Variants in HDAC9 observed in about 807,000 individuals in gnomAD.
HDAC9 encodes MEF-2 interacting transcription repressor (MITR) protein.
Under a neutral mutation model 139.4 loss-of-function variants are expected in HDAC9, and 41 were observed. The observed-to-expected ratio is 0.29, with a 90% CI of 0.23 to 0.38. HDAC9 has a LOEUF of 0.38. Ranked by LOEUF, HDAC9 falls within the 10% of genes least tolerant of loss-of-function variation. The pLI is 1.00. For synonymous variants in HDAC9, 517 were observed against 476.2 expected, an observed-to-expected ratio of 1.09 and a Z score of -1.12; for missense variants, 1,147 against 1,297.0, an observed-to-expected ratio of 0.88 and a Z score of 1.78.
chr7:18,872,816 G>A (rs964359343), intron 21 of HDAC9, among the ~76,000 whole-genome samples: 7 of 152,036 alleles, frequency 4.6e-5, no homozygotes, highest in African/African-American at 1.7e-4. Context: ...GAAATACTGG[G>A]GGGAAAATGA....
chr7:18,793,106 G>A (rs1355655165), intron 16 of HDAC9: 7 of 483,906 alleles, frequency 1.4e-5, no homozygotes, highest in Admixed American at 9.9e-5. Flanking sequence ...TTCCATTGGA[G>A]AAGTCAGTGT....
chr7:18,096,850 G>T (rs1490938331), intron 1 of HDAC9, among the ~76,000 whole-genome samples: 1 of 151,376 alleles, frequency 6.6e-6, no homozygotes, highest in African/African-American at 2.4e-5. Flanking sequence ...CCTAATAAAT[G>T]TTCTGAATGA....
At chr7:18,269,743 T>C (rs923476574) in intron 2 of HDAC9, among the ~76,000 whole-genome samples, 4 of 152,014 alleles carry the variant, frequency 2.6e-5, no homozygotes, top group African/African-American at 7.2e-5. Context: ...TATACGTATA[T>C]ATACATATAT....
At chr7:18,980,407 T>G (rs1784827948) in intron 25 of HDAC9, among the ~76,000 whole-genome samples, 1 of 152,198 alleles carries the variant, frequency 6.6e-6, no homozygotes, top group African/African-American at 2.4e-5. Context: ...AGAGTAGAGC[T>G]TGCCTCTAGA....
intron 12 of HDAC9, among the ~76,000 whole-genome samples, chr7:18,705,207 C>G (rs953071040): frequency 1.3e-5 from 2 of 152,154 alleles, no homozygotes; most frequent in Admixed American, 6.5e-5. Flanking sequence ...GCACTAATGA[C>G]ACTACTGACT....
intron 1 of HDAC9, among the ~76,000 whole-genome samples, chr7:18,314,995 G>T (rs1799544605): frequency 6.6e-6 from 1 of 152,076 alleles, no homozygotes; most frequent in South Asian, 2.1e-4. Context: ...GCAGCAACGT[G>T]GTTGAAAAAC....
chr7:18,341,748 G>A (rs1384193304), intron 1 of HDAC9, among the ~76,000 whole-genome samples: 1 of 151,158 alleles, frequency 6.6e-6, no homozygotes, highest in Non-Finnish European at 1.5e-5. Context: ...TTCCTTATTT[G>A]GGGTTATATT....
At chr7:18,826,884 C>T (rs1795485897) in intron 17 of HDAC9, among the ~76,000 whole-genome samples, 1 of 151,480 alleles carries the variant, frequency 6.6e-6, no homozygotes, top group African/African-American at 2.4e-5. Context: ...TTAACATCTA[C>T]CTCTCAATAT....
At chr7:18,836,082 A>G (rs567861424) in intron 21 of HDAC9, 85 bp downstream of exon 21, 41 of 709,484 alleles carry the variant, frequency 5.8e-5, no homozygotes, top group South Asian at 3.9e-4. Flanking sequence ...AGAAATGTAA[A>G]TGTCTAATTA....
intron 1 of HDAC9, among the ~76,000 whole-genome samples, chr7:18,378,301 T>G (rs1383214564): frequency 6.6e-6 from 1 of 152,160 alleles, no homozygotes; most frequent in Non-Finnish European, 1.5e-5. Flanking sequence ...GTTAAATTTC[T>G]GAGAGAGTAA....
At chr7:18,988,051 T>A (rs1785523311) in intron 25 of HDAC9, among the ~76,000 whole-genome samples, 1 of 152,230 alleles carries the variant, frequency 6.6e-6, no homozygotes, top group African/African-American at 2.4e-5. Flanking sequence ...GAAGGGTTTT[T>A]TGTGTCTCTA....
chr7:18,986,830 G>T lies in HDAC9; in HGVS notation c.3171-9193G>T, dbSNP rs565286311. 3.5e-4 allele frequency among the ~76,000 whole-genome samples: 54 copies of T among 152,232 alleles called. No homozygotes were observed. The East Asian group carries it at 4.2e-3, about 12-fold the overall frequency. On this transcript the variant is annotated intron_variant, in intron 25 of 25. Coordinates refer to ENST00000686413, the MANE Select transcript of HDAC9 (RefSeq NM_178425.4). ...TCCTAGGTATTTTATTCTCTTTGAA[G>T]CAACTGTGAATGGGAGTTCACTCAT...
intron 13 of HDAC9, among the ~76,000 whole-genome samples, chr7:18,740,064 G>C (rs1188645422): frequency 6.6e-6 from 1 of 152,206 alleles, no homozygotes; most frequent in Non-Finnish European, 1.5e-5. Flanking sequence ...ATGAGCGTGG[G>C]ACCTGCCAAG....
chr7:18,529,118 A>T (rs1362525842), intron 2 of HDAC9, among the ~76,000 whole-genome samples: 1 of 152,174 alleles, frequency 6.6e-6, no homozygotes, highest in African/African-American at 2.4e-5. Context: ...ACAAAATAAC[A>T]ATGAGTGGAA....
At chr7:18,488,724 A>G (rs1446338681) in intron 1 of HDAC9, among the ~76,000 whole-genome samples, 1 of 152,006 alleles carries the variant, frequency 6.6e-6, no homozygotes, top group Non-Finnish European at 1.5e-5. Context: ...ACACATTTTT[A>G]TATTTTCTTA....
intron 21 of HDAC9, among the ~76,000 whole-genome samples, chr7:18,849,627 T>C (rs983106442): frequency 1.3e-5 from 2 of 152,152 alleles, no homozygotes; most frequent in African/African-American, 4.8e-5. Flanking sequence ...TATAATTGGT[T>C]TTATAGGTAA....
rs542094841 is a variant in HDAC9 at position 18,552,198 on chromosome 7, T to G, written c.23-33083T>G. Among the ~76,000 whole-genome samples, 27 of 152,310 alleles carry G rather than the reference T, an allele frequency of 1.8e-4. No homozygotes were observed. In the South Asian group the frequency reaches 3.9e-3, roughly 22 times the overall value. ...ATCAAGAATGTCAAGTATTTTTACATTAGGTTTATGTAGGTTTATAGGTGG... is the reference window on the plus strand; with the variant it reads ...ATCAAGAATGTCAAGTATTTTTACAGTAGGTTTATGTAGGTTTATAGGTGG... On this transcript the variant is annotated intron_variant, in intron 2 of 25. Transcript: ENST00000686413.
At chr7:18,372,331 C>T (rs976113076) in intron 1 of HDAC9, among the ~76,000 whole-genome samples, 2 of 152,226 alleles carry the variant, frequency 1.3e-5, no homozygotes, top group Non-Finnish European at 2.9e-5. Flanking sequence ...GCTTCTCAAA[C>T]CTGCAAACCA....
At chr7:18,794,593 G>C (rs562374303) in intron 17 of HDAC9, among the ~76,000 whole-genome samples, 1 of 152,258 alleles carries the variant, frequency 6.6e-6, no homozygotes, top group Non-Finnish European at 1.5e-5. Context: ...GGGGATATAT[G>C]GGGTCATTAA....
Sources: gnomAD v4.1 joint callset for allele counts (sites outside exome capture counted in the v4.1 genomes callset) on GRCh38, gnomAD v4.1.1 for gene constraint, MANE v1.5 for transcripts, NCBI Gene and HGNC (gene_info 2026-07-23, HGNC 2026-07-21) for gene names.